Variants in CAPN7 observed in about 807,000 individuals in gnomAD.
CAPN7 encodes calpain-7.
A neutral mutation model predicts 115.2 loss-of-function variants in CAPN7; 72 were observed. That is an observed-to-expected ratio of 0.63 (90% CI 0.52 to 0.76). The LOEUF is 0.76. CAPN7 is among the 30% of genes least tolerant of loss of function. The pLI is 0.00. For missense variants in CAPN7, 905 were observed against 971.5 expected (o/e 0.93, Z 0.91); for synonymous variants, 344 against 322.3 (o/e 1.07, Z -0.72).
rs753081016 is a variant in CAPN7 at position 15,217,450 on chromosome 3, G to T, written c.237G>T (p.Leu79Phe). ...SAVQSKSADP[L>F]KSKHQLDLER... Reference sequence around the variant, plus strand: ...TTCAGTCAAAGAGTGCTGATCCTTTGAAGTCAAAACATCAGTTGGACTTAG... The same window carrying T: ...TTCAGTCAAAGAGTGCTGATCCTTTTAAGTCAAAACATCAGTTGGACTTAG... Residue 79 changes from leucine (L) to phenylalanine (F), a missense_variant, in exon 3 of 21, where the codon TTG (leucine) becomes TTT (phenylalanine). By Grantham distance (22) the Leu-to-Phe change is conservative (BLOSUM62 0). Transcript: ENST00000253693. 6.2e-7 allele frequency: 1 copy of T among 1,613,026 alleles called. No individual in the cohort carries two copies. The highest frequency in any genetic ancestry group is 2.2e-5 in the East Asian group (1 of 44,816).
intron 12 of CAPN7, among the ~76,000 whole-genome samples, chr3:15,236,966 T>C (rs538240417): frequency 1.3e-5 from 2 of 152,326 alleles, no homozygotes; most frequent in East Asian, 1.9e-4. Context: ...ATGTAGACTT[T>C]ATAAAAATAT....
intron 5 of CAPN7, among the ~76,000 whole-genome samples, chr3:15,222,211 T>C (rs1364811102): frequency 6.6e-6 from 1 of 152,088 alleles, no homozygotes; most frequent in African/African-American, 2.4e-5. Context: ...TCAGAGGATA[T>C]TAAAAATGTA....
intron 8 of CAPN7, among the ~76,000 whole-genome samples, chr3:15,230,021 T>G (rs1471001800): frequency 6.6e-6 from 1 of 152,174 alleles, no homozygotes; most frequent in Non-Finnish European, 1.5e-5. Flanking sequence ...TACTGATAGT[T>G]GTTGAAGTAT....
chr3:15,240,413 A>G, intron 12 of CAPN7, 60 bp from the exon 13 acceptor site: 1 of 1,451,650 alleles, frequency 6.9e-7, no homozygotes, highest in East Asian at 2.3e-5. Flanking sequence ...TAATAAGAGA[A>G]CTAATATGGT....
In CAPN7 at chr3:15,206,572, A is replaced by C; in HGVS notation, c.77A>C (p.Tyr26Ser). The change falls in exon 1 of 21, where the codon TAC (tyrosine) becomes TCC (serine). Residue 26 changes from tyrosine to serine, a missense_variant. Tyr to Ser is a moderately radical substitution (Grantham distance 144, BLOSUM62 -2). Around this residue, in one of 3 missense-constraint regions of CAPN7, gnomAD observed 271 missense variants for 239.6 expected, o/e 1.13. Transcript: ENST00000253693. Reference protein sequence around the residue: ...LAVQRDHEGRYSEAVFYYKEA... With the variant: ...LAVQRDHEGRSSEAVFYYKEA... Reference sequence around the variant, plus strand: ...GTTCAGCGCGACCACGAAGGCCGCTACTCCGAGGCGGTGTTTTATTACAAG... The same window carrying C: ...GTTCAGCGCGACCACGAAGGCCGCTCCTCCGAGGCGGTGTTTTATTACAAG... 1 of 1,551,422 alleles carries C rather than the reference A, an allele frequency of 6.4e-7. No individual in the cohort carries two copies. The highest frequency in any genetic ancestry group is 8.7e-7 in the Non-Finnish European group (1 of 1,147,694).
intron 2 of CAPN7, among the ~76,000 whole-genome samples, chr3:15,214,005 C>G (rs1259061980): frequency 6.6e-6 from 1 of 151,922 alleles, no homozygotes; most frequent in Non-Finnish European, 1.5e-5. Flanking sequence ...GTCAGCCTCC[C>G]CAGTAGCTGA....
intron 19 of CAPN7, among the ~76,000 whole-genome samples, chr3:15,248,030 T>G (rs1575254463): frequency 7.1e-6 from 1 of 140,994 alleles, no homozygotes; most frequent in African/African-American, 3.1e-5. Flanking sequence ...TGTTGTGGGG[T>G]GAGGGGAGGG....
chr3:15,214,502 C>T (rs2045132072), intron 2 of CAPN7, among the ~76,000 whole-genome samples: 1 of 151,984 alleles, frequency 6.6e-6, no homozygotes, highest in South Asian at 2.1e-4. Context: ...GCAGGAGAAT[C>T]CCTTGAATCT....
intron 10 of CAPN7, 59 bp from the exon 11 acceptor site, chr3:15,233,808 C>G (rs558267859): frequency 2.3e-6 from 2 of 878,302 alleles, no homozygotes; most frequent in East Asian, 2.5e-5. Context: ...AATAGCTGCT[C>G]TGGGGATTTA....
chr3:15,221,098 TATTATGTA>T lies in CAPN7; in HGVS notation c.638+123_638+130del. Reference sequence around the variant, plus strand: ...TTTCTCCTATAGTGTATTGTGCTGTTATTATGTAATTATATCATCATGTAGTCACAACT... The same window carrying T: ...TTTCTCCTATAGTGTATTGTGCTGTTATTATATCATCATGTAGTCACAACT... On this transcript the variant is annotated intron_variant, in intron 5 of 20. Coordinates refer to ENST00000253693, the MANE Select transcript of CAPN7 (RefSeq NM_014296.3). 4 of 723,864 alleles carry T rather than the reference TATTATGTA, an allele frequency of 5.5e-6. No homozygotes were observed. In the East Asian group the frequency reaches 1.1e-4, roughly 20 times the overall value. The allele number at this position is 723,864 out of a possible 1,614,324, so 44.8% of individuals were successfully genotyped here.
At chr3:15,210,179 T>C (rs767450720) in intron 1 of CAPN7, among the ~76,000 whole-genome samples, 57 of 150,478 alleles carry the variant, frequency 3.8e-4, no homozygotes, top group Non-Finnish European at 6.2e-4. Flanking sequence ...TTTTTTTTTT[T>C]CCAGAAATGG....
chr3:15,231,158 A>G (rs1694664214), intron 9 of CAPN7, among the ~76,000 whole-genome samples: 1 of 152,208 alleles, frequency 6.6e-6, no homozygotes, highest in Non-Finnish European at 1.5e-5. Context: ...ATCCCCTGTG[A>G]TCCAGCCTGA....
intron 6 of CAPN7, among the ~76,000 whole-genome samples, chr3:15,225,136 T>C (rs1694236780): frequency 6.6e-6 from 1 of 152,224 alleles, no homozygotes; most frequent in Admixed American, 6.5e-5. Context: ...GGTGCTGTTA[T>C]ATAGCAAGCA....
At position 15,247,434 on chromosome 3, in the gene CAPN7, A is replaced by G. The variant is rs1695731613; in HGVS notation, c.2181A>G (p.Leu727=). 6.2e-7 allele frequency: 1 copy of G among 1,603,010 alleles called. No individual in the cohort carries two copies. The highest frequency in any genetic ancestry group is 8.5e-7 in the Non-Finnish European group (1 of 1,176,748). ...TCCATATAGAAAAGACTGGGCCGTTACTGATTGAGCTACGAGGACCAAGGT... is the reference window on the plus strand; with the variant it reads ...TCCATATAGAAAAGACTGGGCCGTTGCTGATTGAGCTACGAGGACCAAGGT... ...YQFHIEKTGP[L]LIELRGPRQY... is the part of the protein sequence containing the mutation. Residue 727 remains leucine, a synonymous_variant, in exon 19 of 21, where the codon TTA becomes TTG. Transcript: ENST00000253693.
At chr3:15,231,820 G>A (rs1205081715) in intron 9 of CAPN7, among the ~76,000 whole-genome samples, 3 of 152,214 alleles carry the variant, frequency 2.0e-5, no homozygotes, top group East Asian at 1.9e-4. Context: ...GAGCCACCGC[G>A]CCCAGCCTCA....
intron 9 of CAPN7, among the ~76,000 whole-genome samples, chr3:15,231,775 G>A (rs1435558270): frequency 2.0e-5 from 3 of 152,014 alleles, no homozygotes; most frequent in East Asian, 1.9e-4. Context: ...TGATCCTCCC[G>A]CCTCGGCCTC....
chr3:15,232,887 A>G (rs1279084421), intron 10 of CAPN7, among the ~76,000 whole-genome samples: 2 of 152,234 alleles, frequency 1.3e-5, no homozygotes, highest in African/African-American at 4.8e-5. Flanking sequence ...TACAAGGCCA[A>G]TTATAAATAC....
chr3:15,208,589 C>T (rs952502969), intron 1 of CAPN7, among the ~76,000 whole-genome samples: 7 of 151,812 alleles, frequency 4.6e-5, no homozygotes, highest in African/African-American at 1.7e-4. Context: ...AGCCTCTGTG[C>T]CTGTCCAGTG....
chr3:15,242,299 T>A (rs1695396452), intron 16 of CAPN7, 46 bp downstream of exon 16: 13 of 1,177,692 alleles, frequency 1.1e-5, no homozygotes, highest in Non-Finnish European at 1.6e-5. Context: ...ATACATAAGA[T>A]TTTATTTATA....
Sources: gnomAD v4.1 joint callset for allele counts (sites outside exome capture counted in the v4.1 genomes callset) on GRCh38, gnomAD v4.1.1 for gene constraint, gnomAD v4.1.1 regional missense constraint, MANE v1.5 for transcripts, NCBI Gene and HGNC (gene_info 2026-07-23, HGNC 2026-07-21) for gene names.